Variants in TAF2 observed in about 807,000 individuals in gnomAD.
TAF2 encodes TATA-box binding protein associated factor 2, also known as transcription initiation factor TFIID subunit 2.
TAF2 carries 61 observed loss-of-function variants against 138.5 expected under a neutral mutation model. The observed-to-expected ratio is 0.44, with a 90% CI of 0.36 to 0.54. The LOEUF (loss-of-function observed/expected upper bound fraction) is 0.54. Among genes scored for constraint, TAF2 ranks in the 20% least tolerant of loss-of-function variants. The probability of loss-of-function intolerance (pLI) is 0.00; values close to 1 mark genes in which losing one functional copy is unlikely to be tolerated. For missense variants in TAF2, 1,090 were observed against 1,427.9 expected, an observed-to-expected ratio of 0.76 and a Z score of 3.81; for synonymous variants, 475 against 469.9, an observed-to-expected ratio of 1.01 and a Z score of -0.14.
At position 119,796,985 on chromosome 8, in the gene TAF2, C is replaced by T; in HGVS notation, c.1091+5G>A. 1.3e-6 allele frequency: 2 copies of T among 1,597,102 alleles called. No homozygotes were observed. Among genetic ancestry groups the T allele is most frequent in the Non-Finnish European group, 1.7e-6 (2 of 1,164,818 alleles). On this transcript the variant is annotated splice_donor_5th_base_variant and intron_variant, in intron 8 of 25. Transcript: ENST00000378164. ...CTCAGTAGTATGAACTTTCAGGTCA[C>T]TCACCAAGACATTCTAGATATGAAA...
At chr8:119,765,423 A>G (rs1484720141) in intron 18 of TAF2, among the ~76,000 whole-genome samples, 1 of 152,172 alleles carries the variant, frequency 6.6e-6, no homozygotes, top group Non-Finnish European at 1.5e-5. Context: ...GAGTTTTTCA[A>G]TAGGTAGAGG....
At chr8:119,782,654 GT>G (rs1169131203) in intron 16 of TAF2, among the ~76,000 whole-genome samples, 3 of 152,110 alleles carry the variant, frequency 2.0e-5, no homozygotes, top group East Asian at 3.8e-4. Flanking sequence ...TCTGGACAAA[GT>G]TTTGTCTGCA....
chr8:119,791,233 T>C, intron 11 of TAF2, 91 bp downstream of exon 11: 1 of 1,471,628 alleles, frequency 6.8e-7, no homozygotes, highest in Non-Finnish European at 9.3e-7. Context: ...TAAATCCAGA[T>C]GTCCTGACTC....
At chr8:119,752,454 C>T (rs1339555284) in intron 22 of TAF2, among the ~76,000 whole-genome samples, 1 of 152,088 alleles carries the variant, frequency 6.6e-6, no homozygotes, top group Non-Finnish European at 1.5e-5. Context: ...GACAACCTTC[C>T]CTCTGGGATA....
At position 119,740,675 on chromosome 8, in the gene TAF2, A is replaced by G. The variant is rs560310807; in HGVS notation, c.3337+1859T>C. Among the ~76,000 whole-genome samples, 12 of 86,346 alleles carry G rather than the reference A, an allele frequency of 1.4e-4. 1 individual carries two copies. Among genetic ancestry groups the G allele is most frequent in the East Asian group, 1.1e-3 (5 of 4,380 alleles). The allele number at this position is 86,346 out of a possible 152,430, so 56.6% of individuals were successfully genotyped here. A position where few individuals can be genotyped will look rare whatever the true frequency, so the allele number is the denominator to read the frequency against. On this transcript the variant is annotated intron_variant, in intron 25 of 25. Coordinates refer to ENST00000378164, the MANE Select transcript of TAF2 (RefSeq NM_003184.4). Reference sequence around the variant, plus strand: ...GTGAGACTGTCTCAAAAAAAAAAAAAAAAAGAAAAGAAAAGAAAAGAAGAA... The same window carrying G: ...GTGAGACTGTCTCAAAAAAAAAAAAGAAAAGAAAAGAAAAGAAAAGAAGAA...
At chr8:119,739,645 G>C (rs1333856366) in intron 25 of TAF2, among the ~76,000 whole-genome samples, 1 of 151,008 alleles carries the variant, frequency 6.6e-6, no homozygotes, top group Admixed American at 6.6e-5. Flanking sequence ...GGGCTCCTTG[G>C]CTCTAAGGGG....
At chr8:119,782,702 T>C (rs536083326) in intron 16 of TAF2, among the ~76,000 whole-genome samples, 1 of 152,246 alleles carries the variant, frequency 6.6e-6, no homozygotes, top group African/African-American at 2.4e-5. Context: ...TTCAGATAAT[T>C]TGCATCTAAA....
intron 18 of TAF2, among the ~76,000 whole-genome samples, chr8:119,775,629 G>A: frequency 6.6e-6 from 1 of 151,776 alleles, no homozygotes; most frequent in Non-Finnish European, 1.5e-5. Context: ...CTTGAACCTG[G>A]GAGGTGGAGG....
At chr8:119,764,251 A>C (rs942042545) in intron 18 of TAF2, among the ~76,000 whole-genome samples, 1 of 152,210 alleles carries the variant, frequency 6.6e-6, no homozygotes, top group African/African-American at 2.4e-5. Context: ...GGCATGGAAC[A>C]CACAAGAACT....
At position 119,783,528 on chromosome 8, in the gene TAF2, A is replaced by G; in HGVS notation, c.1965T>C (p.Tyr655=). 1 of 1,614,166 alleles carries G rather than the reference A, an allele frequency of 6.2e-7. No homozygotes were observed. Among genetic ancestry groups the G allele is most frequent in the Non-Finnish European group, 8.5e-7 (1 of 1,180,022 alleles). ...CCTGCTGTGCAACAACATCTCTCTC[A>G]TAGCGGAGCTGATACTGCCACATAA... ...ADFMWQYQLR[Y]ERDVVAQQES... is the part of the protein sequence containing the mutation. Residue 655 remains tyrosine, a synonymous_variant, in exon 16 of 26, where the codon TAT becomes TAC. Transcript: ENST00000378164.
intron 2 of TAF2, among the ~76,000 whole-genome samples, chr8:119,824,839 G>A (rs1014472872): frequency 6.6e-6 from 1 of 152,256 alleles, no homozygotes; most frequent in Admixed American, 6.5e-5. Flanking sequence ...CCTCCACCTA[G>A]ATTTCAGAAG....
intron 18 of TAF2, among the ~76,000 whole-genome samples, chr8:119,777,637 T>C (rs1822347471): frequency 6.6e-6 from 1 of 152,182 alleles, no homozygotes; most frequent in East Asian, 1.9e-4. Flanking sequence ...AGGAACAAGT[T>C]AATCCCAATC....
Position 119,765,550 on chromosome 8 carries a change from G to A in TAF2, c.2365-2942C>T, listed in dbSNP as rs1264556912. On this transcript the variant is annotated intron_variant, in intron 18 of 25. Transcript: ENST00000378164. ...CAACTTCACGGTAAAGGGGTACAAAGCTGGAGGGGTGGACTGGGACCACCA... is the reference window on the plus strand; with the variant it reads ...CAACTTCACGGTAAAGGGGTACAAAACTGGAGGGGTGGACTGGGACCACCA... 2.6e-5 allele frequency among the ~76,000 whole-genome samples: 4 copies of A among 152,202 alleles called. No individual in the cohort carries two copies. In the East Asian group the frequency reaches 7.7e-4, roughly 29 times the overall value.
intron 13 of TAF2, 146 bp downstream of exon 13, chr8:119,788,644 C>T (rs1823203243): frequency 1.3e-6 from 1 of 792,312 alleles, no homozygotes; most frequent in Non-Finnish European, 2.1e-6. Flanking sequence ...CTTCCTCTTC[C>T]CTTCTTTGAC....
chr8:119,734,864 A>G (rs546757510), intron 25 of TAF2, among the ~76,000 whole-genome samples: 1 of 152,222 alleles, frequency 6.6e-6, no homozygotes, highest in Non-Finnish European at 1.5e-5. Context: ...GTTCTCCAGG[A>G]AAGTAATGGT....
At chr8:119,827,994 C>T (rs1826211264) in intron 2 of TAF2, among the ~76,000 whole-genome samples, 1 of 152,110 alleles carries the variant, frequency 6.6e-6, no homozygotes, top group African/African-American at 2.4e-5. Flanking sequence ...CTGCCCACCT[C>T]GGCCTCCCAA....
intron 18 of TAF2, among the ~76,000 whole-genome samples, chr8:119,765,498 A>G (rs1821360624): frequency 6.6e-6 from 1 of 152,148 alleles, no homozygotes; most frequent in African/African-American, 2.4e-5. Context: ...CATGAAAATG[A>G]GTATGTTAAA....
intron 16 of TAF2, among the ~76,000 whole-genome samples, chr8:119,782,441 T>C (rs1822732637): frequency 6.6e-6 from 1 of 152,220 alleles, no homozygotes; most frequent in Non-Finnish European, 1.5e-5. Context: ...CAGATGGTTT[T>C]ATCAAGGAAA....
At chr8:119,829,314 G>A (rs1826292237) in intron 2 of TAF2, among the ~76,000 whole-genome samples, 1 of 152,110 alleles carries the variant, frequency 6.6e-6, no homozygotes, top group African/African-American at 2.4e-5. Flanking sequence ...GTAAGCAGTA[G>A]CTTCATTCTT....
Sources: allele counts gnomAD v4.1 joint callset (sites outside exome capture counted in the v4.1 genomes callset), GRCh38; gene constraint gnomAD v4.1.1; transcripts MANE v1.5; gene names NCBI Gene and HGNC (gene_info 2026-07-23, HGNC 2026-07-21).